The following WWC2 variants were observed in gnomAD, a reference collection of about 807,000 sequenced individuals.
WWC2 encodes the protein WW and C2 domain containing 2, also known as protein WWC2.
WWC2 carries 101 observed loss-of-function variants against 138.5 expected under a neutral mutation model. The ratio of observed to expected loss-of-function variants is 0.73; its 90% CI spans 0.62 to 0.86. The LOEUF (loss-of-function observed/expected upper bound fraction) is 0.86, where lower values mean the gene tolerates loss of function less well. WWC2 is among the 40% of genes least tolerant of loss of function. The pLI, the probability that WWC2 is intolerant of heterozygous loss-of-function variation, is 0.00. For missense variants in WWC2, 1,420 were observed against 1,419.4 expected, an observed-to-expected ratio of 1.00 and a Z score of -0.01; for synonymous variants, 558 against 538.4, an observed-to-expected ratio of 1.04 and a Z score of -0.50.
At position 183,174,551 on chromosome 4, in the gene WWC2, C is replaced by G. The variant is rs187927355; in HGVS notation, c.132-19048C>G. On this transcript the variant is annotated intron_variant, in intron 1 of 22. Transcript: ENST00000403733. ...TGTGTTTATGCCTTTTAAAAAATCC[C>G]CTTTCTGCTATTTTCTAGAGGGAAT... is the stretch of plus-strand genomic sequence containing the variant. Among the ~76,000 whole-genome samples, 244 of 152,264 alleles carry G rather than the reference C, an allele frequency of 1.6e-3. 1 individual carries two copies. The highest frequency in any genetic ancestry group is 2.9e-3 in the Non-Finnish European group (199 of 68,026).
chr4:183,275,196 T>G lies in WWC2; in HGVS notation c.2562+3955T>G, dbSNP rs553424241. Among the ~76,000 whole-genome samples, 7 of 152,272 alleles carry G rather than the reference T, an allele frequency of 4.6e-5. No homozygotes were observed. In the South Asian group the frequency reaches 1.0e-3, roughly 23 times the overall value. On this transcript the variant is annotated intron_variant, in intron 16 of 22. Coordinates refer to ENST00000403733, the MANE Select transcript of WWC2 (RefSeq NM_024949.6). ...AACCTTACTGAACTCATTTATTAATTCTAATAGTTTTTTTAGTGGATTCCA... is the reference window on the plus strand; with the variant it reads ...AACCTTACTGAACTCATTTATTAATGCTAATAGTTTTTTTAGTGGATTCCA...
At chr4:183,148,521 C>T (rs1223093056) in intron 1 of WWC2, among the ~76,000 whole-genome samples, 1 of 152,264 alleles carries the variant, frequency 6.6e-6, no homozygotes. Flanking sequence ...TCCCTGCTGC[C>T]TTCCCCATTT....
intron 1 of WWC2, among the ~76,000 whole-genome samples, chr4:183,117,323 C>T (rs529687409): frequency 8.2e-5 from 12 of 147,146 alleles, no homozygotes; most frequent in South Asian, 4.3e-4. Context: ...TGGGTTTAAG[C>T]GATTCTCCTG....
chr4:183,142,633 AT>A (rs1733334848), intron 1 of WWC2, among the ~76,000 whole-genome samples: 3 of 152,186 alleles, frequency 2.0e-5, no homozygotes, highest in African/African-American at 7.2e-5. Context: ...CTATTTTAAT[AT>A]TGGAATAATG....
chr4:183,224,533 G>T (rs1407321154), intron 4 of WWC2, among the ~76,000 whole-genome samples: 1 of 152,078 alleles, frequency 6.6e-6, no homozygotes, highest in African/African-American at 2.4e-5. Flanking sequence ...AACCAACAGA[G>T]TTGAGGTTTT....
At chr4:183,123,263 G>A (rs192327150) in intron 1 of WWC2, among the ~76,000 whole-genome samples, 2 of 152,250 alleles carry the variant, frequency 1.3e-5, no homozygotes, top group East Asian at 3.9e-4. Flanking sequence ...TCTGTCAATG[G>A]GAGATTGTAT....
At chr4:183,284,821 A>C (rs1411613597) in intron 19 of WWC2, among the ~76,000 whole-genome samples, 2 of 152,216 alleles carry the variant, frequency 1.3e-5, no homozygotes, top group Non-Finnish European at 2.9e-5. Flanking sequence ...TCCTCTTTTA[A>C]TAATGCTTAT....
At chr4:183,200,876 C>G (rs995476097) in intron 2 of WWC2, among the ~76,000 whole-genome samples, 1 of 152,140 alleles carries the variant, frequency 6.6e-6, no homozygotes, top group African/African-American at 2.4e-5. Flanking sequence ...ATGTTCTGTT[C>G]ATTAGAAGCA....
chr4:183,179,456 G>C (rs566557556), intron 1 of WWC2, among the ~76,000 whole-genome samples: 1 of 152,286 alleles, frequency 6.6e-6, no homozygotes, highest in Non-Finnish European at 1.5e-5. Flanking sequence ...AACTAGTTAG[G>C]AAGTTAATCG....
chr4:183,165,812 C>T (rs79340483), intron 1 of WWC2, among the ~76,000 whole-genome samples: 1 of 152,172 alleles, frequency 6.6e-6, no homozygotes, highest in Non-Finnish European at 1.5e-5. Flanking sequence ...TGATGAAATA[C>T]ACTTGGACAA....
At chr4:183,180,015 A>G (rs1261151744) in intron 1 of WWC2, among the ~76,000 whole-genome samples, 2 of 152,210 alleles carry the variant, frequency 1.3e-5, no homozygotes, top group Non-Finnish European at 2.9e-5. Flanking sequence ...GCTTTGGGAA[A>G]ACATGATGTC....
At chr4:183,154,788 T>A (rs62336603) in intron 1 of WWC2, among the ~76,000 whole-genome samples, 3,053 of 152,290 alleles carry the variant, frequency 0.02, 52 homozygotes, top group Non-Finnish European at 0.029. Flanking sequence ...ATAGTAGATA[T>A]GCCGTATAGC....
chr4:183,220,481 C>T (rs1735890122), intron 4 of WWC2, among the ~76,000 whole-genome samples: 1 of 150,374 alleles, frequency 6.7e-6, no homozygotes, highest in Admixed American at 6.6e-5. Context: ...AAACAAAAAT[C>T]AGGCCACAAG....
intron 1 of WWC2, among the ~76,000 whole-genome samples, chr4:183,176,318 C>T (rs780101148): frequency 6.6e-6 from 1 of 152,114 alleles, no homozygotes; most frequent in African/African-American, 2.4e-5. Flanking sequence ...TCTTAGTTTT[C>T]TCTTGGTTCT....
chr4:183,114,608 A>G (rs1459309322), intron 1 of WWC2, among the ~76,000 whole-genome samples: 4 of 152,082 alleles, frequency 2.6e-5, no homozygotes, highest in African/African-American at 4.8e-5. Flanking sequence ...AGACATGGCA[A>G]TATTTTTTGT....
chr4:183,141,814 A>G (rs1428478875), intron 1 of WWC2, among the ~76,000 whole-genome samples: 2 of 152,244 alleles, frequency 1.3e-5, no homozygotes, highest in Non-Finnish European at 2.9e-5. Flanking sequence ...CTAACTAAAT[A>G]GATATTATCT....
chr4:183,253,790 G>T lies in WWC2; in HGVS notation c.987G>T (p.Leu329Phe). The T allele has an allele frequency of 6.2e-7, 1 of 1,612,966 alleles. No homozygotes were observed. Among genetic ancestry groups the T allele is most frequent in the South Asian group, 1.1e-5 (1 of 90,966 alleles). Reference sequence around the variant, plus strand: ...ACTTAAAAATTGAACTGTCAAAATTGGACAGTGAGGCCTGGCCTGGGGCAC... The same window carrying T: ...ACTTAAAAATTGAACTGTCAAAATTTGACAGTGAGGCCTGGCCTGGGGCAC... ...MANLKIELSK[L>F]DSEAWPGALD... The change falls in exon 9 of 23, where the codon TTG becomes TTT. Residue 329 changes from leucine (L) to phenylalanine (F), a missense_variant. By Grantham distance (22) the Leu-to-Phe change is conservative. Transcript: ENST00000403733.
intron 1 of WWC2, among the ~76,000 whole-genome samples, chr4:183,163,970 G>T (rs975775746): frequency 2.2e-4 from 33 of 151,932 alleles, no homozygotes; most frequent in Non-Finnish European, 4.4e-5. Context: ...ATGGACAATT[G>T]AGTCAAGTTC....
At chr4:183,170,408 C>G (rs771412512) in intron 1 of WWC2, among the ~76,000 whole-genome samples, 1 of 152,290 alleles carries the variant, frequency 6.6e-6, no homozygotes, top group Non-Finnish European at 1.5e-5. Context: ...GACAAACTTT[C>G]CAGCTCTCAA....
Sources: allele counts gnomAD v4.1 joint callset (sites outside exome capture counted in the v4.1 genomes callset), GRCh38; gene constraint gnomAD v4.1.1; transcripts MANE v1.5; gene names NCBI Gene and HGNC (gene_info 2026-07-23, HGNC 2026-07-21).